LANCL2: variants seen among roughly 807,000 people sequenced by gnomAD.
LANCL2 encodes the protein lanC-like protein 2.
Under a neutral mutation model 56.9 loss-of-function variants are expected in LANCL2, and 33 were observed. That is an observed-to-expected ratio of 0.58 (90% confidence interval 0.44 to 0.78). LANCL2 has a LOEUF of 0.78. Ranked by LOEUF, LANCL2 falls within the 30% of genes least tolerant of loss-of-function variation. The pLI, the probability that LANCL2 is intolerant of heterozygous loss-of-function variation, is 0.00. For synonymous variants in LANCL2, 233 were observed against 228.2 expected (o/e 1.02, Z -0.19); for missense variants, 562 against 580.2 (o/e 0.97, Z 0.32).
chr7:55,430,459 G>C (rs1339183414), intron 8 of LANCL2, among the ~76,000 whole-genome samples: 6 of 152,168 alleles, frequency 3.9e-5, no homozygotes, highest in African/African-American at 9.7e-5. Flanking sequence ...GGTTACCTCT[G>C]GGGGGACCAC....
rs2128997194 is a variant in LANCL2 at position 55,431,916 on chromosome 7, A to G, written c.*596A>G. ...CGCTTCCCGTTTGGATTTTACACTC[A>G]CCTTCGTGTTTTAAAGAAGCCTCAG... On this transcript the variant is annotated 3_prime_UTR_variant, in exon 9 of 9. Transcript: ENST00000254770. The G allele has an allele frequency of 6.6e-6, 1 of 152,300 alleles. No individual in the cohort carries two copies. The highest frequency in any genetic ancestry group is 2.1e-4 in the South Asian group (1 of 4,820). The allele number at this position is 152,300 out of a possible 1,614,324, so 9.4% of individuals were successfully genotyped here.
At chr7:55,383,631 A>G (rs1583745967) in intron 1 of LANCL2, among the ~76,000 whole-genome samples, 2 of 152,306 alleles carry the variant, frequency 1.3e-5, no homozygotes, top group African/African-American at 4.8e-5. Flanking sequence ...TTTTATTACA[A>G]GAAAAAAACA....
At chr7:55,393,317 G>A (rs561638686) in intron 2 of LANCL2, among the ~76,000 whole-genome samples, 3 of 152,166 alleles carry the variant, frequency 2.0e-5, no homozygotes, top group Non-Finnish European at 4.4e-5. Context: ...CAGATCACTT[G>A]AGCTCAGGAG....
intron 4 of LANCL2, among the ~76,000 whole-genome samples, chr7:55,400,813 T>C (rs1401521923): frequency 1.3e-5 from 2 of 152,246 alleles, no homozygotes; most frequent in Non-Finnish European, 2.9e-5. Flanking sequence ...CAGCCTTTCC[T>C]GATAGGTGTA....
At chr7:55,425,880 T>C (rs999408950) in intron 7 of LANCL2, among the ~76,000 whole-genome samples, 42 of 152,342 alleles carry the variant, frequency 2.8e-4, no homozygotes, top group African/African-American at 9.6e-4. Context: ...ATGGAGCCTA[T>C]GCTCCTCCGC....
At chr7:55,425,655 C>G (rs1790656574) in intron 7 of LANCL2, among the ~76,000 whole-genome samples, 1 of 152,128 alleles carries the variant, frequency 6.6e-6, no homozygotes, top group African/African-American at 2.4e-5. Context: ...AATATGTGTC[C>G]TGGAGTCACT....
chr7:55,419,838 TTTC>T lies in LANCL2; in HGVS notation c.1009-5410_1009-5408del, dbSNP rs1328946507. On this transcript the variant is annotated intron_variant, in intron 6 of 8. Coordinates refer to ENST00000254770, the MANE Select transcript of LANCL2 (RefSeq NM_018697.4). ...TTATCTATTTTCTATTTCATTGATT[TTTC>T]TTCTTTTCTTTTTAAAACTTCCTTC... 5.9e-5 allele frequency among the ~76,000 whole-genome samples: 9 copies of T among 152,196 alleles called. No individual in the cohort carries two copies. The East Asian group carries it at 1.7e-3, about 29-fold the overall frequency.
rs765219069 is a variant in LANCL2 at position 55,366,208 on chromosome 7, C to A, written c.183C>A (p.Leu61=). The A allele has an allele frequency of 6.5e-7, 1 of 1,537,610 alleles. No individual in the cohort carries two copies. The highest frequency in any genetic ancestry group is 1.2e-5 in the South Asian group (1 of 83,224). Residue 61 remains leucine, a synonymous_variant, in exon 1 of 9, where the codon CTC becomes CTA. Transcript: ENST00000254770. ...RPPATTDEPG[L]PFHQDGKIIH... is the part of the protein sequence containing the mutation. ...CGGCGACCACGGATGAGCCCGGCCT[C>A]CCTTTTCATCAGGACGGGAAGGTGA... is the stretch of plus-strand genomic sequence containing the variant.
At chr7:55,380,020 A>G (rs1790048521) in intron 1 of LANCL2, among the ~76,000 whole-genome samples, 1 of 152,226 alleles carries the variant, frequency 6.6e-6, no homozygotes, top group African/African-American at 2.4e-5. Flanking sequence ...GCTATAAGGG[A>G]AGGTATTTTA....
At chr7:55,422,208 A>T (rs193220143) in intron 6 of LANCL2, among the ~76,000 whole-genome samples, 63 of 152,316 alleles carry the variant, frequency 4.1e-4, no homozygotes, top group Non-Finnish European at 7.9e-4. Context: ...TACTTAGTAT[A>T]GGTTTAGTGA....
rs747990586 is a variant in LANCL2, at chr7:55,366,144, CCTCCGGAGCGGCCGAAGAGACAGG to C, written c.122_145del (p.Ser41_Gly48del). ...GAGGCCGCCGCCGGGGCGCTGCTCG[CCTCCGGAGCGGCCGAAGAGACAGG>C]CTGTGTTCGTCCCCCGGCGACCACG... On this transcript the variant is annotated inframe_deletion, in exon 1 of 9. Coordinates refer to ENST00000254770, the MANE Select transcript of LANCL2 (RefSeq NM_018697.4). 6 of 1,551,490 alleles carry C rather than the reference CCTCCGGAGCGGCCGAAGAGACAGG, an allele frequency of 3.9e-6. No individual in the cohort carries two copies. The highest frequency in any genetic ancestry group is 5.2e-6 in the Non-Finnish European group (6 of 1,146,586).
At chr7:55,369,538 G>A (rs1280428489) in intron 1 of LANCL2, among the ~76,000 whole-genome samples, 1 of 152,180 alleles carries the variant, frequency 6.6e-6, no homozygotes, top group Non-Finnish European at 1.5e-5. Flanking sequence ...AACCAGTGTA[G>A]TAGCAGTTGT....
intron 2 of LANCL2, among the ~76,000 whole-genome samples, chr7:55,392,415 A>G (rs986580284): frequency 4.6e-4 from 69 of 151,578 alleles, no homozygotes; most frequent in African/African-American, 1.6e-3. Context: ...CAGTGGTGCA[A>G]TCACAGCTCT....
At chr7:55,425,101 T>A (rs1313333132) in intron 6 of LANCL2, among the ~76,000 whole-genome samples, 153 bp from the exon 7 acceptor site, 3 of 152,240 alleles carry the variant, frequency 2.0e-5, no homozygotes, top group African/African-American at 7.2e-5. Flanking sequence ...ACTGTGTTGC[T>A]GGTGTTTTTT....
intron 6 of LANCL2, among the ~76,000 whole-genome samples, chr7:55,423,251 G>A (rs1790627941): frequency 6.6e-6 from 1 of 152,230 alleles, no homozygotes; most frequent in South Asian, 2.1e-4. Context: ...GGGCATGGTA[G>A]GCTGCTGGTG....
intron 1 of LANCL2, among the ~76,000 whole-genome samples, chr7:55,372,386 C>T (rs1789953088): frequency 6.6e-6 from 1 of 152,214 alleles, no homozygotes; most frequent in Non-Finnish European, 1.5e-5. Context: ...TATTTAACCA[C>T]ACACTGAACC....
intron 1 of LANCL2, among the ~76,000 whole-genome samples, chr7:55,374,151 T>C (rs1351266830): frequency 6.6e-6 from 1 of 152,204 alleles, no homozygotes; most frequent in African/African-American, 2.4e-5. Flanking sequence ...GTTTGCAGTT[T>C]ATTAATACAT....
At position 55,398,544 on chromosome 7, in the gene LANCL2, C is replaced by T; in HGVS notation, c.444C>T (p.Leu148=). The change falls in exon 3 of 9, where the codon CTC becomes CTT. Residue 148 remains leucine, a synonymous_variant. Coordinates refer to ENST00000254770, the MANE Select transcript of LANCL2 (RefSeq NM_018697.4). ...RNLNGRRVTF[L]CGDAGPLAVG... Reference sequence around the variant, plus strand: ...TGAATGGCCGCAGGGTCACCTTCCTCTGTGGGGATGCTGGCCCCCTGGCTG... The same window carrying T: ...TGAATGGCCGCAGGGTCACCTTCCTTTGTGGGGATGCTGGCCCCCTGGCTG... The T allele has an allele frequency of 1.2e-6, 2 of 1,614,218 alleles. No homozygotes were observed. The highest frequency in any genetic ancestry group is 1.7e-6 in the Non-Finnish European group (2 of 1,180,036).
chr7:55,433,428 T>A lies in LANCL2; in HGVS notation c.*2108T>A, dbSNP rs1178506164. On this transcript the variant is annotated 3_prime_UTR_variant, in exon 9 of 9. Transcript: ENST00000254770. ...CCGTGGTTCTGCATTAACCCCTGCC[T>A]CATGTCTGTAACATGTGACAGTAAT... The A allele has an allele frequency of 6.6e-6, 1 of 152,212 alleles. No homozygotes were observed. The highest frequency in any genetic ancestry group is 1.5e-5 in the Non-Finnish European group (1 of 68,042). The allele number at this position is 152,212 out of a possible 1,614,324, so 9.4% of individuals were successfully genotyped here.
Sources: allele counts gnomAD v4.1 joint callset (sites outside exome capture counted in the v4.1 genomes callset), GRCh38; gene constraint gnomAD v4.1.1; transcripts MANE v1.5; gene names NCBI Gene and HGNC (gene_info 2026-07-23, HGNC 2026-07-21).